The following MYO1D variants were observed in gnomAD, a reference collection of about 807,000 sequenced individuals.
MYO1D encodes unconventional myosin-Id.
In MYO1D, 83 loss-of-function variants were observed where a neutral mutation model predicts 122.0. The observed-to-expected ratio is 0.68, with a 90% confidence interval of 0.57 to 0.82. The LOEUF is 0.82. MYO1D is among the 40% of genes least tolerant of loss of function. The pLI, the probability that MYO1D is intolerant of heterozygous loss-of-function variation, is 0.00. For synonymous variants in MYO1D, 464 were observed against 446.9 expected (o/e 1.04, Z -0.48); for missense variants, 1,157 against 1,269.5 (o/e 0.91, Z 1.35).
intron 1 of MYO1D, among the ~76,000 whole-genome samples, chr17:32,840,859 T>A (rs1324945559): frequency 1.3e-5 from 2 of 152,210 alleles, no homozygotes; most frequent in East Asian, 3.8e-4. Flanking sequence ...CCCTAACTTA[T>A]GATGGTTTGA....
At chr17:32,663,811 C>A (rs1869835312) in intron 16 of MYO1D, among the ~76,000 whole-genome samples, 1 of 152,204 alleles carries the variant, frequency 6.6e-6, no homozygotes, top group Admixed American at 6.5e-5. Context: ...AGTAGTACGA[C>A]TTTTCAGAAT....
At chr17:32,522,818 CTTT>C (rs35925304) in intron 21 of MYO1D, among the ~76,000 whole-genome samples, 6 of 131,356 alleles carry the variant, frequency 4.6e-5, no homozygotes, top group Non-Finnish European at 6.5e-5. Flanking sequence ...TCCCCCATGT[CTTT>C]TTTTTTTTTT....
intron 20 of MYO1D, among the ~76,000 whole-genome samples, chr17:32,616,713 C>T (rs2087773836): frequency 6.6e-6 from 1 of 152,166 alleles, no homozygotes; most frequent in Non-Finnish European, 1.5e-5. Flanking sequence ...ATTTTTGCCA[C>T]TCCTCCCATA....
intron 19 of MYO1D, among the ~76,000 whole-genome samples, chr17:32,646,523 C>G (rs187492356): frequency 6.6e-6 from 1 of 151,900 alleles, no homozygotes; most frequent in South Asian, 2.1e-4. Context: ...TGGAATCATA[C>G]TGAAAAACAT....
chr17:32,683,016 T>C lies in MYO1D; in HGVS notation c.2122-23678A>G, dbSNP rs527993261. Among the ~76,000 whole-genome samples, 253 of 118,168 alleles carry C rather than the reference T, an allele frequency of 2.1e-3. 3 individuals are homozygous for C. The highest frequency in any genetic ancestry group is 8.6e-3 in the African/African-American group (245 of 28,632). The allele number at this position is 118,168 out of a possible 152,430, so 77.5% of individuals were successfully genotyped here. A position where few individuals can be genotyped will look rare whatever the true frequency, so the allele number is the denominator to read the frequency against. On this transcript the variant is annotated intron_variant, in intron 16 of 21. Coordinates refer to ENST00000318217, the MANE Select transcript of MYO1D (RefSeq NM_015194.3). ...CATTCATTTCATCTTCCATCGCTGA[T>C]ACCCTTTCTTCCAGTTGATCGCATC...
At chr17:32,659,591 G>A in intron 16 of MYO1D, 1 of 522,206 alleles carries the variant, frequency 1.9e-6, no homozygotes, top group Non-Finnish European at 3.4e-6. Context: ...GCCTGAAGCT[G>A]AGTCCTGTTT....
intron 1 of MYO1D, among the ~76,000 whole-genome samples, chr17:32,818,834 G>A (rs1436658713): frequency 6.6e-6 from 1 of 152,130 alleles, no homozygotes. Flanking sequence ...TGGATGTAAT[G>A]GGCCTGGAAA....
intron 16 of MYO1D, among the ~76,000 whole-genome samples, chr17:32,688,030 C>T (rs2089042554): frequency 6.6e-6 from 1 of 152,034 alleles, no homozygotes; most frequent in Non-Finnish European, 1.5e-5. Context: ...ATACAGAATC[C>T]ACCGGGAATT....
intron 1 of MYO1D, among the ~76,000 whole-genome samples, chr17:32,850,745 G>A (rs960975413): frequency 1.3e-5 from 2 of 152,030 alleles, no homozygotes; most frequent in African/African-American, 4.8e-5. Flanking sequence ...GACATACCAA[G>A]TTTTCTAAAA....
chr17:32,732,539 G>A (rs2089653109), intron 14 of MYO1D, among the ~76,000 whole-genome samples: 1 of 152,050 alleles, frequency 6.6e-6, no homozygotes, highest in Admixed American at 6.5e-5. Flanking sequence ...CATACTGCTG[G>A]TCTCCTCTAT....
At chr17:32,553,403 A>G (rs2087039504) in intron 21 of MYO1D, among the ~76,000 whole-genome samples, 1 of 152,328 alleles carries the variant, frequency 6.6e-6, no homozygotes, top group Non-Finnish European at 1.5e-5. Context: ...GTGGCTCACC[A>G]GGAAGAGCAG....
intron 6 of MYO1D, among the ~76,000 whole-genome samples, chr17:32,768,225 C>G (rs2090079299): frequency 6.6e-6 from 1 of 152,212 alleles, no homozygotes; most frequent in Non-Finnish European, 1.5e-5. Context: ...CCAGGTGAGG[C>G]AAGGCGGGCC....
intron 1 of MYO1D, among the ~76,000 whole-genome samples, chr17:32,862,407 C>T (rs2151088218): frequency 6.6e-6 from 1 of 152,274 alleles, no homozygotes; most frequent in Non-Finnish European, 1.5e-5. Flanking sequence ...CTTTCAAAGG[C>T]ACCTTAATGG....
At position 32,593,521 on chromosome 17, in the gene MYO1D, C is replaced by T. The variant is rs923244773; in HGVS notation, c.2864+11566G>A. ...GCATTTACTGCTGCAGTACAGAAGA[C>T]GGAGGGAATCCTAATTTTTGTTCCT... On this transcript the variant is annotated intron_variant, in intron 21 of 21. Transcript: ENST00000318217. 9.9e-5 allele frequency among the ~76,000 whole-genome samples: 15 copies of T among 152,254 alleles called. No individual in the cohort carries two copies. The South Asian group carries it at 1.2e-3, about 13-fold the overall frequency.
chr17:32,512,410 G>A (rs1485866068), intron 21 of MYO1D, among the ~76,000 whole-genome samples: 1 of 152,202 alleles, frequency 6.6e-6, no homozygotes, highest in Non-Finnish European at 1.5e-5. Context: ...GGGGAAGGAG[G>A]CTTCCTGAGC....
intron 16 of MYO1D, among the ~76,000 whole-genome samples, chr17:32,696,793 A>G (rs772369889): frequency 3.3e-5 from 5 of 152,232 alleles, no homozygotes; most frequent in Non-Finnish European, 7.3e-5. Context: ...TTTGTTACAG[A>G]AAACAATATT....
At chr17:32,540,459 G>C (rs1049728113) in intron 21 of MYO1D, among the ~76,000 whole-genome samples, 1 of 150,042 alleles carries the variant, frequency 6.7e-6, no homozygotes, top group African/African-American at 2.5e-5. Context: ...ATAATAAAAA[G>C]ACAGCCCAGT....
intron 21 of MYO1D, among the ~76,000 whole-genome samples, chr17:32,532,723 C>CAAAAAAA (rs71144833): frequency 1.0e-5 from 1 of 99,682 alleles, no homozygotes. Flanking sequence ...GACTCCGTCT[C>CAAAAAAA]AAAAAAAAAA....
chr17:32,691,492 TG>T (rs2089100276), intron 16 of MYO1D, among the ~76,000 whole-genome samples: 1 of 149,718 alleles, frequency 6.7e-6, no homozygotes, highest in Admixed American at 6.7e-5. Context: ...CTGCAACCTC[TG>T]CCTCCTGGGT....
Sources: gnomAD v4.1 joint callset for allele counts (sites outside exome capture counted in the v4.1 genomes callset) on GRCh38, gnomAD v4.1.1 for gene constraint, MANE v1.5 for transcripts, NCBI Gene and HGNC (gene_info 2026-07-23, HGNC 2026-07-21) for gene names.